The following BMPER variants were observed in gnomAD, a reference collection of about 807,000 sequenced individuals.
The protein encoded by BMPER is BMP-binding endothelial regulator protein.
Under a neutral mutation model 87.3 loss-of-function variants are expected in BMPER, and 45 were observed. That is an observed-to-expected ratio of 0.52 (90% CI 0.41 to 0.66). The LOEUF is 0.66. Ranked by LOEUF, BMPER falls within the 30% of genes least tolerant of loss-of-function variation. BMPER has a pLI of 0.00. For missense variants in BMPER, 784 were observed against 867.5 expected (o/e 0.90, Z 1.21); for synonymous variants, 326 against 316.2 (o/e 1.03, Z -0.33).
intron 13 of BMPER, among the ~76,000 whole-genome samples, chr7:34,133,352 G>A (rs923951278): frequency 6.6e-6 from 1 of 152,134 alleles, no homozygotes; most frequent in Non-Finnish European, 1.5e-5. Context: ...TCAGGGTTTG[G>A]GGAGCTTCTG....
chr7:34,031,927 T>TATACAC (rs767536977), intron 6 of BMPER, among the ~76,000 whole-genome samples: 16 of 55,444 alleles, frequency 2.9e-4, no homozygotes, highest in South Asian at 8.1e-4. Flanking sequence ...TATATATATA[T>TATACAC]ACACACACAC....
chr7:34,059,794 T>C (rs2127964294), intron 10 of BMPER, among the ~76,000 whole-genome samples: 1 of 151,724 alleles, frequency 6.6e-6, no homozygotes, highest in African/African-American at 2.4e-5. Context: ...TTCCCTGCTC[T>C]GTCTTTCCTG....
Position 34,040,133 on chromosome 7 carries a change from G to A in BMPER, c.577-6173G>A, listed in dbSNP as rs150841794. The stretch of plus-strand genomic sequence containing the variant: ...GACTTCTGAGGAGGGAGTGCCAGCT[G>A]GCTGGAGTAGAATGTTGAGATGAAG... On this transcript the variant is annotated intron_variant, in intron 6 of 14. Coordinates refer to ENST00000649409, the MANE Select transcript of BMPER (RefSeq NM_001365308.1). 1.4e-3 allele frequency among the ~76,000 whole-genome samples: 212 copies of A among 152,214 alleles called. 1 individual carries two copies. Among genetic ancestry groups the A allele is most frequent in the African/African-American group, 4.8e-3 (200 of 41,534 alleles).
At chr7:34,094,148 G>C (rs1288792739) in intron 13 of BMPER, among the ~76,000 whole-genome samples, 1 of 152,202 alleles carries the variant, frequency 6.6e-6, no homozygotes, top group African/African-American at 2.4e-5. Context: ...AGCTCTCAGA[G>C]GAGGAGTTTA....
rs183086618 is a variant in BMPER at position 34,123,945 on chromosome 7, T to G, written c.1746-19285T>G. On this transcript the variant is annotated intron_variant, in intron 13 of 14. Transcript: ENST00000649409. ...ATGCTGAATTAATGTATCTTTTCAT[T>G]TAATTATCCATGGGGCACAGCATAT... 4.8e-3 allele frequency among the ~76,000 whole-genome samples: 735 copies of G among 152,288 alleles called. 6 individuals carry two copies. Among genetic ancestry groups the G allele is most frequent in the African/African-American group, 0.016 (656 of 41,570 alleles).
chr7:33,914,024 T>C (rs893561250), intron 2 of BMPER, among the ~76,000 whole-genome samples: 1 of 150,962 alleles, frequency 6.6e-6, no homozygotes, highest in Non-Finnish European at 1.5e-5. Flanking sequence ...TGCAGTGGCA[T>C]GATCTCGGCT....
chr7:33,996,133 G>C (rs1786404177), intron 6 of BMPER, among the ~76,000 whole-genome samples: 1 of 152,142 alleles, frequency 6.6e-6, no homozygotes. Flanking sequence ...AAACAAAAAA[G>C]TTAAGATCCC....
chr7:33,977,711 T>C (rs1024795242), intron 6 of BMPER, among the ~76,000 whole-genome samples: 2 of 152,184 alleles, frequency 1.3e-5, no homozygotes, highest in Admixed American at 1.3e-4. Flanking sequence ...TTTATGTGAC[T>C]ATATATTTGT....
intron 13 of BMPER, among the ~76,000 whole-genome samples, chr7:34,112,221 G>T (rs927031045): frequency 6.6e-6 from 1 of 151,972 alleles, no homozygotes; most frequent in Non-Finnish European, 1.5e-5. Context: ...AAGGCCAGGC[G>T]CGGTGGCTCA....
chr7:34,151,326 C>G (rs1211787245), intron 14 of BMPER, among the ~76,000 whole-genome samples: 1 of 152,090 alleles, frequency 6.6e-6, no homozygotes, highest in African/African-American at 2.4e-5. Flanking sequence ...AATGTGTGTG[C>G]TAGAGATGTA....
chr7:33,987,505 C>T (rs913575666), intron 6 of BMPER, among the ~76,000 whole-genome samples: 4 of 152,262 alleles, frequency 2.6e-5, no homozygotes, highest in Admixed American at 6.5e-5. Flanking sequence ...CCTAAGATCT[C>T]GAGCTGTGGT....
At chr7:34,029,032 G>A (rs1349849017) in intron 6 of BMPER, among the ~76,000 whole-genome samples, 2 of 152,030 alleles carry the variant, frequency 1.3e-5, no homozygotes, top group Non-Finnish European at 2.9e-5. Flanking sequence ...ACAATAAAAT[G>A]TTAATTATGA....
rs200556531 is a variant in BMPER at position 33,937,405 on chromosome 7, C to G, written c.319+17C>G. The G allele has an allele frequency of 6.2e-7, 1 of 1,608,658 alleles. No individual in the cohort carries two copies. Among genetic ancestry groups the G allele is most frequent in the African/African-American group, 1.3e-5 (1 of 74,778 alleles). On this transcript the variant is annotated intron_variant, in intron 3 of 14. Transcript: ENST00000649409. ...AGTGCAAAGGTGATTGATGTCTTGG[C>G]CGTCTTCTCTTCTGGCTGCTGCTTC...
intron 13 of BMPER, among the ~76,000 whole-genome samples, chr7:34,130,054 C>G (rs932202519): frequency 6.6e-6 from 1 of 151,606 alleles, no homozygotes; most frequent in African/African-American, 2.4e-5. Context: ...GTTCTTGACC[C>G]CCTCCTCTCC....
chr7:34,081,889 C>T (rs1789058575), intron 12 of BMPER, among the ~76,000 whole-genome samples: 2 of 152,094 alleles, frequency 1.3e-5, no homozygotes, highest in East Asian at 1.9e-4. Flanking sequence ...CCTTTTTGCA[C>T]GTTCTCTCTC....
At chr7:33,954,534 C>T (rs1418293278) in intron 3 of BMPER, among the ~76,000 whole-genome samples, 1 of 152,216 alleles carries the variant, frequency 6.6e-6, no homozygotes, top group Non-Finnish European at 1.5e-5. Flanking sequence ...GCTTTTTCCT[C>T]TTAGAGAGCT....
intron 6 of BMPER, among the ~76,000 whole-genome samples, chr7:34,031,062 C>T (rs183370456): frequency 6.6e-5 from 10 of 152,158 alleles, no homozygotes; most frequent in South Asian, 2.1e-4. Context: ...GCTGGGAATA[C>T]GACAATTAGC....
intron 12 of BMPER, among the ~76,000 whole-genome samples, chr7:34,083,603 T>C (rs1789112854): frequency 6.6e-6 from 1 of 152,346 alleles, no homozygotes; most frequent in African/African-American, 2.4e-5. Flanking sequence ...GAAGTAACTC[T>C]TGTGGCAGTT....
At chr7:33,948,703 T>G (rs1396362966) in intron 3 of BMPER, among the ~76,000 whole-genome samples, 2 of 152,206 alleles carry the variant, frequency 1.3e-5, no homozygotes, top group Non-Finnish European at 2.9e-5. Context: ...CTGCTTCCTC[T>G]TTGCCTTCCG....
Sources: allele counts gnomAD v4.1 joint callset (sites outside exome capture counted in the v4.1 genomes callset), GRCh38; gene constraint gnomAD v4.1.1; transcripts MANE v1.5; gene names NCBI Gene and HGNC (gene_info 2026-07-23, HGNC 2026-07-21).